TBC1D1: variants seen among roughly 807,000 people sequenced by gnomAD.
TBC1D1 encodes TBC1 (tre-2/USP6, BUB2, cdc16) domain family, member 1.
TBC1D1 carries 89 observed loss-of-function variants against 125.6 expected under a neutral mutation model. The observed-to-expected ratio is 0.71, with a 90% CI of 0.60 to 0.85. The LOEUF is 0.85. Ranked by LOEUF, TBC1D1 falls within the 40% of genes least tolerant of loss-of-function variation. The pLI is 0.00. For synonymous variants in TBC1D1, 565 were observed against 564.1 expected (o/e 1.00, Z -0.02); for missense variants, 1,377 against 1,469.2 (o/e 0.94, Z 1.03).
At chr4:38,110,089 C>T (rs1458749636) in intron 15 of TBC1D1, 3 of 403,934 alleles carry the variant, frequency 7.4e-6, no homozygotes, top group Admixed American at 6.4e-5. Context: ...TGGGTGGCCC[C>T]GTGTTTGCTG....
intron 15 of TBC1D1, among the ~76,000 whole-genome samples, chr4:38,104,591 AAC>A (rs1270790136): frequency 6.6e-6 from 1 of 152,208 alleles, no homozygotes; most frequent in Non-Finnish European, 1.5e-5. Context: ...GGCTCCACAG[AAC>A]ACACAGTGCT....
At chr4:38,079,220 G>C (rs1477736704) in intron 12 of TBC1D1, among the ~76,000 whole-genome samples, 1 of 152,184 alleles carries the variant, frequency 6.6e-6, no homozygotes, top group Non-Finnish European at 1.5e-5. Context: ...GTTTATGTTA[G>C]GTGAGTCATC....
chr4:37,931,552 A>G (rs775079824), intron 2 of TBC1D1, among the ~76,000 whole-genome samples: 17 of 151,662 alleles, frequency 1.1e-4, no homozygotes, highest in Non-Finnish European at 2.1e-4. Flanking sequence ...ATCTCAGCTC[A>G]CTGCAACCTC....
chr4:37,900,505 C>CT (rs1412275167), intron 1 of TBC1D1, among the ~76,000 whole-genome samples: 1 of 151,224 alleles, frequency 6.6e-6, no homozygotes, highest in Non-Finnish European at 1.5e-5. Flanking sequence ...TGAGTCCCTA[C>CT]TTTGAGTCAG....
chr4:38,052,547 T>C (rs2152483394), intron 11 of TBC1D1, among the ~76,000 whole-genome samples: 1 of 151,974 alleles, frequency 6.6e-6, no homozygotes, highest in African/African-American at 2.4e-5. Context: ...GTTGACCAGG[T>C]TGTTCTTGAA....
intron 12 of TBC1D1, among the ~76,000 whole-genome samples, chr4:38,080,816 A>G (rs1756415006): frequency 6.6e-6 from 1 of 152,116 alleles, no homozygotes; most frequent in African/African-American, 2.4e-5. Context: ...CTGTCTCCTT[A>G]GGGGTGGAGC....
At position 37,899,582 on chromosome 4, in the gene TBC1D1, T is replaced by A. The variant is rs186589842; in HGVS notation, c.-93-2421T>A. 4.9e-3 allele frequency among the ~76,000 whole-genome samples: 738 copies of A among 151,836 alleles called. 3 individuals carry two copies. The highest frequency in any genetic ancestry group is 0.017 in the African/African-American group (697 of 41,182). On this transcript the variant is annotated intron_variant, in intron 1 of 19. Transcript: ENST00000261439. Reference sequence around the variant, plus strand: ...GTTCATCATAGTGGGCTCTAGCGGATAAATGTTACAAAGGTTAAATGAGAC... The same window carrying A: ...GTTCATCATAGTGGGCTCTAGCGGAAAAATGTTACAAAGGTTAAATGAGAC...
chr4:38,002,179 A>G (rs1739209050), intron 2 of TBC1D1, among the ~76,000 whole-genome samples: 1 of 152,216 alleles, frequency 6.6e-6, no homozygotes, highest in South Asian at 2.1e-4. Flanking sequence ...TCAGCAGCAC[A>G]CAATTTAACA....
At chr4:38,035,805 T>C (rs900735802) in intron 8 of TBC1D1, 107 bp downstream of exon 8, 8 of 811,122 alleles carry the variant, frequency 9.9e-6, no homozygotes, top group Non-Finnish European at 1.6e-5. Context: ...TTTCTCCCTA[T>C]GTTTTATTTT....
At chr4:38,050,644 C>G (rs889365572) in intron 11 of TBC1D1, among the ~76,000 whole-genome samples, 1 of 152,200 alleles carries the variant, frequency 6.6e-6, no homozygotes, top group Non-Finnish European at 1.5e-5. Context: ...TTAAAAATCT[C>G]TCACCTAATA....
intron 2 of TBC1D1, among the ~76,000 whole-genome samples, chr4:37,942,406 G>A (rs528222406): frequency 6.6e-6 from 1 of 151,540 alleles, no homozygotes; most frequent in East Asian, 1.9e-4. Flanking sequence ...TTTATTTTGA[G>A]CCTATGTGTG....
In TBC1D1 at chr4:37,968,954, A is replaced by T. The variant is rs149214521; in HGVS notation, c.418-45555A>T. Among the ~76,000 whole-genome samples the T allele has an allele frequency of 9.9e-5, 15 of 152,280 alleles. No homozygotes were observed. The East Asian group carries it at 2.9e-3, about 29-fold the overall frequency. Reference sequence around the variant, plus strand: ...CTAGTATGATAGGAATGTACCAGAGACACTTGGACGATTTGTGGCTTGGCT... The same window carrying T: ...CTAGTATGATAGGAATGTACCAGAGTCACTTGGACGATTTGTGGCTTGGCT... On this transcript the variant is annotated intron_variant, in intron 2 of 19. Coordinates refer to ENST00000261439, the MANE Select transcript of TBC1D1 (RefSeq NM_015173.4).
At chr4:38,037,249 A>T (rs1262668613) in intron 8 of TBC1D1, among the ~76,000 whole-genome samples, 3 of 151,958 alleles carry the variant, frequency 2.0e-5, no homozygotes, top group Non-Finnish European at 2.9e-5. Context: ...TTGGGCATAG[A>T]TCATCCAATG....
At chr4:38,015,858 A>C (rs1309122128) in intron 3 of TBC1D1, among the ~76,000 whole-genome samples, 37 of 152,284 alleles carry the variant, frequency 2.4e-4, no homozygotes, top group Admixed American at 2.4e-3. Context: ...TTTAAAACCA[A>C]GGGGGTGCAC....
At position 37,965,662 on chromosome 4, in the gene TBC1D1, C is replaced by G. The variant is rs145063744; in HGVS notation, c.418-48847C>G. 8.3e-3 allele frequency among the ~76,000 whole-genome samples: 1,263 copies of G among 152,216 alleles called. 63 individuals are homozygous for G. The highest frequency in any genetic ancestry group is 0.077 in the Admixed American group (1,176 of 15,282). On this transcript the variant is annotated intron_variant, in intron 2 of 19. Transcript: ENST00000261439. The stretch of plus-strand genomic sequence containing the variant: ...TCTTGTGATATTATGACCTAGAGAT[C>G]GGTGAGCAGATATGTTTAGTTCTAC...
rs1738891441 is a variant in TBC1D1 at position 38,000,748 on chromosome 4, C to T, written c.418-13761C>T. 2.0e-5 allele frequency among the ~76,000 whole-genome samples: 3 copies of T among 152,142 alleles called. No individual in the cohort carries two copies. The South Asian group carries it at 6.2e-4, about 32-fold the overall frequency. On this transcript the variant is annotated intron_variant, in intron 2 of 19. Transcript: ENST00000261439. ...ATCAGTTAAATTCTGACACTAACAA[C>T]CTGAAGTTAGCACAGACCCCACAAG...
chr4:37,921,940 T>C (rs918187802), intron 2 of TBC1D1, among the ~76,000 whole-genome samples: 1 of 152,076 alleles, frequency 6.6e-6, no homozygotes, highest in Non-Finnish European at 1.5e-5. Flanking sequence ...TCTCGCTATG[T>C]TGCCTAGGCT....
intron 13 of TBC1D1, among the ~76,000 whole-genome samples, chr4:38,093,525 C>CA (rs979581464): frequency 1.3e-5 from 2 of 149,774 alleles, no homozygotes; most frequent in Non-Finnish European, 3.0e-5. Flanking sequence ...GTTTTCCCCC[C>CA]CCTTTTTTTT....
chr4:38,014,623 T>C lies in TBC1D1; in HGVS notation c.532T>C (p.Cys178Arg). 6.2e-7 allele frequency: 1 copy of C among 1,613,422 alleles called. No homozygotes were observed. Among genetic ancestry groups the C allele is most frequent in the Non-Finnish European group, 8.5e-7 (1 of 1,180,040 alleles). The change falls in exon 3 of 20, where the codon TGC becomes CGC. Residue 178 changes from cysteine to arginine, a missense_variant. Physicochemically the swap from Cys to Arg is radical, Grantham distance 180. Coordinates refer to ENST00000261439, the MANE Select transcript of TBC1D1 (RefSeq NM_015173.4). The surrounding 1 kb of genome is among the most constrained non-coding windows in gnomAD (Gnocchi z 5.1). ...TTCCAAGAAGTTCGAGGTGCTCTTC[T>C]GCGGCCGCGTGACGGTGGCGCACAA... is the stretch of plus-strand genomic sequence containing the variant.
Sources: gnomAD v4.1 joint callset for allele counts (sites outside exome capture counted in the v4.1 genomes callset) on GRCh38, gnomAD v4.1.1 for gene constraint, Gnocchi (gnomAD v3.1) non-coding constraint, MANE v1.5 for transcripts, NCBI Gene and HGNC (gene_info 2026-07-23, HGNC 2026-07-21) for gene names.